Variants in EFHC1 observed in about 807,000 individuals in gnomAD.
The protein encoded by EFHC1 is EF-hand domain-containing protein 1.
Under a neutral mutation model 69.9 loss-of-function variants are expected in EFHC1, and 53 were observed. The observed-to-expected ratio is 0.76, with a 90% CI of 0.61 to 0.95. The LOEUF (loss-of-function observed/expected upper bound fraction) is 0.95. EFHC1 is among the 40% of genes least tolerant of loss of function. The pLI is 0.00. For missense variants in EFHC1, 739 were observed against 798.7 expected, an observed-to-expected ratio of 0.93 and a Z score of 0.90; for synonymous variants, 256 against 278.4, an observed-to-expected ratio of 0.92 and a Z score of 0.80.
At chr6:52,471,354 C>T (rs1253021507) in intron 7 of EFHC1, among the ~76,000 whole-genome samples, 2 of 152,154 alleles carry the variant, frequency 1.3e-5, no homozygotes, top group African/African-American at 4.8e-5. Flanking sequence ...ATTATAATAA[C>T]CCCAGGTGAC....
chr6:52,440,006 T>C (rs1157935420), intron 3 of EFHC1, among the ~76,000 whole-genome samples: 2 of 152,156 alleles, frequency 1.3e-5, no homozygotes, highest in Admixed American at 1.3e-4. Flanking sequence ...TTTACAGTTG[T>C]GTTTTTATGG....
intron 2 of EFHC1, among the ~76,000 whole-genome samples, chr6:52,426,826 A>G (rs1052053924): frequency 3.3e-5 from 5 of 152,166 alleles, no homozygotes; most frequent in African/African-American, 7.2e-5. Flanking sequence ...CTCTGCCACT[A>G]TCATAGTTCA....
intron 2 of EFHC1, among the ~76,000 whole-genome samples, chr6:52,436,599 A>G (rs1304353242): frequency 2.0e-5 from 3 of 152,200 alleles, no homozygotes; most frequent in African/African-American, 7.2e-5. Context: ...TAAAAATCCC[A>G]AAGCATGTTA....
chr6:52,438,989 A>G (rs564414155), intron 3 of EFHC1, among the ~76,000 whole-genome samples: 1 of 152,302 alleles, frequency 6.6e-6, no homozygotes, highest in African/African-American at 2.4e-5. Context: ...ATATGAGCCT[A>G]AAATTTTTTG....
At position 52,495,298 on chromosome 6, in the gene EFHC1, T is replaced by C. The variant is rs1766024554; in HGVS notation, c.*2957T>C. 2 of 454,108 alleles carry C rather than the reference T, an allele frequency of 4.4e-6. No individual in the cohort carries two copies. Among genetic ancestry groups the C allele is most frequent in the Non-Finnish European group, 8.8e-6 (2 of 226,798 alleles). 28.1% of individuals were successfully genotyped at this position (454,108 alleles called of 1,614,324 possible). On this transcript the variant is annotated 3_prime_UTR_variant, in exon 11 of 11. Transcript: ENST00000371068. Reference sequence around the variant, plus strand: ...CTCCAAACTCCAGGGGACAGACACATGTCAAACCCTGAGTCTTTTAAAGTA... The same window carrying C: ...CTCCAAACTCCAGGGGACAGACACACGTCAAACCCTGAGTCTTTTAAAGTA...
intron 2 of EFHC1, among the ~76,000 whole-genome samples, chr6:52,437,391 A>T (rs1192201465): frequency 6.6e-6 from 1 of 152,216 alleles, no homozygotes; most frequent in African/African-American, 2.4e-5. Context: ...AACATATGCA[A>T]TAAATAGTTT....
In EFHC1 at chr6:52,495,776, C is replaced by T. The variant is rs1009170820; in HGVS notation, c.*3435C>T. The T allele has an allele frequency of 3.9e-5, 14 of 361,046 alleles. No homozygotes were observed. Among genetic ancestry groups the T allele is most frequent in the African/African-American group, 3.0e-4 (14 of 46,774 alleles). 22.4% of individuals were successfully genotyped at this position (361,046 alleles called of 1,614,324 possible). A position where few individuals can be genotyped will look rare whatever the true frequency, so the allele number is the denominator to read the frequency against. ...CAATAAAGTTGGCACTGTCCACATA[C>T]ACTCCTTAAGTTTGCTGTCCACTTC... On this transcript the variant is annotated 3_prime_UTR_variant, in exon 11 of 11. Coordinates refer to ENST00000371068, the MANE Select transcript of EFHC1 (RefSeq NM_018100.4).
At chr6:52,485,675 A>G (rs1399480405) in intron 9 of EFHC1, 1 of 151,508 alleles carries the variant, frequency 6.6e-6, no homozygotes, top group Non-Finnish European at 1.5e-5. Flanking sequence ...GGCACCACCT[A>G]CTCTCTCTCT....
intron 1 of EFHC1, 33 bp downstream of exon 1, chr6:52,420,506 C>A (rs761199930): frequency 1.2e-6 from 2 of 1,613,746 alleles, no homozygotes; most frequent in African/African-American, 2.7e-5. Flanking sequence ...CCCACCTGTC[C>A]CCACCTTCCA....
intron 9 of EFHC1, chr6:52,482,589 TC>T (rs1765704243): frequency 2.6e-6 from 1 of 383,280 alleles, no homozygotes; most frequent in Non-Finnish European, 4.6e-6. Flanking sequence ...TGGTGAATTG[TC>T]ATATTCCTGT....
In EFHC1 at chr6:52,490,060, C is replaced by G. The variant is rs966329774; in HGVS notation, c.1641-80C>G. The G allele has an allele frequency of 5.3e-6, 7 of 1,313,154 alleles. No individual in the cohort carries two copies. In the Admixed American group the frequency reaches 1.3e-4, roughly 24 times the overall value. The allele number at this position is 1,313,154 out of a possible 1,614,324, so 81.3% of individuals were successfully genotyped here. On this transcript the variant is annotated intron_variant, in intron 9 of 10. Transcript: ENST00000371068. ...TGATTAGAAGCTTCCCTGATTTCAT[C>G]AAGTAAGAACTTTGGTCACCGAGAT...
intron 5 of EFHC1, among the ~76,000 whole-genome samples, chr6:52,456,489 CT>C (rs1203696213): frequency 6.6e-6 from 1 of 152,194 alleles, no homozygotes; most frequent in Admixed American, 6.5e-5. Flanking sequence ...AGGTTTGTCT[CT>C]GCTTTATCAA....
chr6:52,491,504 A>G (rs962583277), intron 10 of EFHC1, among the ~76,000 whole-genome samples: 1 of 152,216 alleles, frequency 6.6e-6, no homozygotes, highest in Non-Finnish European at 1.5e-5. Context: ...AGCTGAGTGG[A>G]CAGTCTTTTA....
At chr6:52,452,913 A>G (rs543459862) in intron 4 of EFHC1, 76 bp downstream of exon 4, 1 of 1,608,650 alleles carries the variant, frequency 6.2e-7, no homozygotes, top group African/African-American at 1.3e-5. Context: ...AGGTTTGGGT[A>G]GCTGTATTGG....
At chr6:52,465,433 A>G in intron 6 of EFHC1, among the ~76,000 whole-genome samples, 1 of 152,174 alleles carries the variant, frequency 6.6e-6, no homozygotes. Context: ...CAGTCAGAGT[A>G]AACTTTCTGA....
intron 7 of EFHC1, among the ~76,000 whole-genome samples, chr6:52,478,670 T>C (rs1765597259): frequency 6.6e-6 from 1 of 152,220 alleles, no homozygotes; most frequent in Non-Finnish European, 1.5e-5. Context: ...TATGTTCTAG[T>C]ATACTGTGTT....
At chr6:52,478,678 G>C (rs1381648961) in intron 7 of EFHC1, among the ~76,000 whole-genome samples, 1 of 152,164 alleles carries the variant, frequency 6.6e-6, no homozygotes, top group Non-Finnish European at 1.5e-5. Flanking sequence ...AGTATACTGT[G>C]TTTGTTTGGG....
At chr6:52,481,504 A>ATCTCTCTCTCTCTCTC (rs60540358) in intron 9 of EFHC1, 108 of 143,656 alleles carry the variant, frequency 7.5e-4, no homozygotes, top group East Asian at 6.5e-3. Context: ...AGACTGCATG[A>ATCTCTCTCTCTCTCTC]TCTCTCTCTC....
At chr6:52,461,834 C>G (rs1045768622) in intron 5 of EFHC1, among the ~76,000 whole-genome samples, 3 of 152,124 alleles carry the variant, frequency 2.0e-5, no homozygotes, top group African/African-American at 7.2e-5. Flanking sequence ...GGGCAAAAAG[C>G]TTTGATTGAG....
Sources: allele counts gnomAD v4.1 joint callset (sites outside exome capture counted in the v4.1 genomes callset), GRCh38; gene constraint gnomAD v4.1.1; transcripts MANE v1.5; gene names NCBI Gene and HGNC (gene_info 2026-07-23, HGNC 2026-07-21).